EPHA6: variants seen among roughly 807,000 people sequenced by gnomAD.
EPHA6 encodes the protein ephrin type-A receptor 6.
Under a neutral mutation model 112.0 loss-of-function variants are expected in EPHA6, and 50 were observed. That is an observed-to-expected ratio of 0.45 (90% CI 0.36 to 0.56). The LOEUF (loss-of-function observed/expected upper bound fraction) is 0.56, where lower values mean the gene tolerates loss of function less well. EPHA6 is among the 20% of genes least tolerant of loss of function. The pLI, the probability that EPHA6 is intolerant of heterozygous loss-of-function variation, is 0.00. For synonymous variants in EPHA6, 529 were observed against 490.7 expected (o/e 1.08, Z -1.03); for missense variants, 1,280 against 1,417.4 (o/e 0.90, Z 1.56).
intron 3 of EPHA6, among the ~76,000 whole-genome samples, chr3:97,192,735 T>C (rs1005521893): frequency 6.6e-6 from 1 of 152,296 alleles, no homozygotes; most frequent in Non-Finnish European, 1.5e-5. Flanking sequence ...AGTGTTTTCT[T>C]TTAGTAGCTT....
At chr3:97,270,749 A>G (rs984155390) in intron 5 of EPHA6, among the ~76,000 whole-genome samples, 1 of 152,240 alleles carries the variant, frequency 6.6e-6, no homozygotes, top group Admixed American at 6.5e-5. Context: ...GATCTTCATG[A>G]TATCCTCCAG....
chr3:97,574,855 G>T (rs1201174354), intron 11 of EPHA6, among the ~76,000 whole-genome samples: 1 of 151,950 alleles, frequency 6.6e-6, no homozygotes, highest in Non-Finnish European at 1.5e-5. Flanking sequence ...AGACACTAGG[G>T]ACTCCAAAAA....
At chr3:97,415,695 G>T (rs2088068619) in intron 6 of EPHA6, among the ~76,000 whole-genome samples, 1 of 151,972 alleles carries the variant, frequency 6.6e-6, no homozygotes, top group Non-Finnish European at 1.5e-5. Flanking sequence ...TCACAAAATG[G>T]ACATTTCAAA....
chr3:96,848,921 T>C (rs1489445906), intron 1 of EPHA6, among the ~76,000 whole-genome samples: 2 of 152,138 alleles, frequency 1.3e-5, no homozygotes, highest in Non-Finnish European at 2.9e-5. Flanking sequence ...CATACAAAAT[T>C]ACAGTCATAG....
intron 3 of EPHA6, among the ~76,000 whole-genome samples, chr3:97,214,469 G>A (rs1189726626): frequency 3.0e-4 from 38 of 128,574 alleles, no homozygotes; most frequent in African/African-American, 9.8e-4. Context: ...CAACAAGAGC[G>A]AAACTTTGTC....
At chr3:97,375,054 G>A (rs1454264909) in intron 5 of EPHA6, among the ~76,000 whole-genome samples, 1 of 152,108 alleles carries the variant, frequency 6.6e-6, no homozygotes, top group African/African-American at 2.4e-5. Flanking sequence ...GGTTCTTAGT[G>A]TGCTACGTTC....
At chr3:97,404,663 C>T (rs2087217531) in intron 5 of EPHA6, among the ~76,000 whole-genome samples, 1 of 152,050 alleles carries the variant, frequency 6.6e-6, no homozygotes, top group South Asian at 2.1e-4. Context: ...TCCTCACATT[C>T]ATAAACAATC....
At chr3:97,394,990 A>G (rs2086618407) in intron 5 of EPHA6, among the ~76,000 whole-genome samples, 1 of 151,750 alleles carries the variant, frequency 6.6e-6, no homozygotes, top group Non-Finnish European at 1.5e-5. Context: ...TTAACTTAAT[A>G]AAAACCGCAA....
intron 11 of EPHA6, among the ~76,000 whole-genome samples, chr3:97,535,261 CT>C (rs58317415): frequency 0.14 from 20,604 of 151,904 alleles, 1,622 homozygotes; most frequent in Admixed American, 0.25. Flanking sequence ...GTGACCTCTA[CT>C]TAGCCACATT....
intron 2 of EPHA6, among the ~76,000 whole-genome samples, chr3:96,902,323 T>G (rs2038660119): frequency 6.6e-6 from 1 of 152,084 alleles, no homozygotes; most frequent in Non-Finnish European, 1.5e-5. Flanking sequence ...AACATGAAAT[T>G]TTTTCCCAAA....
chr3:96,966,895 G>C (rs2042141291), intron 2 of EPHA6, among the ~76,000 whole-genome samples: 1 of 151,712 alleles, frequency 6.6e-6, no homozygotes. Context: ...GTATATGTTA[G>C]ATCCTTTAAG....
At chr3:97,464,588 GC>G (rs944409299) in intron 7 of EPHA6, among the ~76,000 whole-genome samples, 2 of 151,942 alleles carry the variant, frequency 1.3e-5, no homozygotes, top group Non-Finnish European at 2.9e-5. Context: ...ATTTGAATCT[GC>G]CCCCACCGTT....
intron 3 of EPHA6, among the ~76,000 whole-genome samples, chr3:97,080,861 G>C: frequency 6.6e-6 from 1 of 151,962 alleles, no homozygotes; most frequent in East Asian, 1.9e-4. Context: ...ATATAGGCTT[G>C]ATTTGAGCAT....
At chr3:96,944,629 C>T (rs1328759051) in intron 2 of EPHA6, among the ~76,000 whole-genome samples, 3 of 152,138 alleles carry the variant, frequency 2.0e-5, no homozygotes, top group East Asian at 3.9e-4. Flanking sequence ...GTGGCCAAGG[C>T]GGGTGGATCA....
intron 14 of EPHA6, among the ~76,000 whole-genome samples, chr3:97,681,953 C>A (rs998497635): frequency 1.3e-5 from 2 of 152,016 alleles, no homozygotes; most frequent in Non-Finnish European, 2.9e-5. Flanking sequence ...AGAAAGATAT[C>A]TGCTACTAGT....
intron 7 of EPHA6, among the ~76,000 whole-genome samples, chr3:97,464,314 A>G (rs1247877398): frequency 6.6e-6 from 1 of 152,024 alleles, no homozygotes; most frequent in East Asian, 1.9e-4. Flanking sequence ...GAGTTTTCAG[A>G]GACAGGGCTG....
intron 5 of EPHA6, among the ~76,000 whole-genome samples, chr3:97,323,208 T>C (rs1204827734): frequency 6.6e-6 from 1 of 151,956 alleles, no homozygotes; most frequent in African/African-American, 2.4e-5. Context: ...TGGTTTTTTT[T>C]TAAAAAGTTC....
chr3:97,034,373 C>T (rs1208961732), intron 3 of EPHA6, among the ~76,000 whole-genome samples: 2 of 151,784 alleles, frequency 1.3e-5, no homozygotes, highest in Non-Finnish European at 2.9e-5. Flanking sequence ...ACAATCTTTG[C>T]AATTATCAGT....
intron 3 of EPHA6, among the ~76,000 whole-genome samples, chr3:97,020,206 CCA>C (rs2044405375): frequency 6.6e-6 from 1 of 152,170 alleles, no homozygotes; most frequent in African/African-American, 2.4e-5. Flanking sequence ...CAGCCAAGAT[CCA>C]CAGACTGAAG....
Sources: allele counts gnomAD v4.1 joint callset (sites outside exome capture counted in the v4.1 genomes callset), GRCh38; gene constraint gnomAD v4.1.1; transcripts MANE v1.5; gene names NCBI Gene and HGNC (gene_info 2026-07-23, HGNC 2026-07-21).